LINGO2: variants seen among roughly 807,000 people sequenced by gnomAD.
LINGO2 encodes the protein leucine-rich repeat and immunoglobulin-like domain-containing nogo receptor-interacting protein 2.
LINGO2 carries 14 observed loss-of-function variants against 30.6 expected under a neutral mutation model. The observed-to-expected ratio is 0.46, with a 90% CI of 0.30 to 0.72. The LOEUF is 0.72. Among genes scored for constraint, LINGO2 ranks in the 30% least tolerant of loss-of-function variants. The probability of loss-of-function intolerance (pLI) is 0.07; values close to 1 mark genes in which losing one functional copy is unlikely to be tolerated. For missense variants in LINGO2, 729 were observed against 751.7 expected (o/e 0.97, Z 0.35); for synonymous variants, 317 against 288.5 (o/e 1.10, Z -1.00).
At chr9:28,018,665 T>C (rs1251302059) in intron 4 of LINGO2, among the ~76,000 whole-genome samples, 1 of 152,024 alleles carries the variant, frequency 6.6e-6, no homozygotes, top group Admixed American at 6.6e-5. Context: ...TCAGTCAGAA[T>C]GGCTATTACC....
the LINGO2 span, among the ~76,000 whole-genome samples, chr9:29,078,545 T>C: frequency 5.8e-3 from 885 of 152,098 alleles, 8 homozygotes; most frequent in African/African-American, 0.021. Flanking sequence ...ACATTGGTAT[T>C]AGTCATCTCC....
chr9:28,560,223 G>A (rs907587439), intron 1 of LINGO2, among the ~76,000 whole-genome samples: 1 of 152,084 alleles, frequency 6.6e-6, no homozygotes, highest in African/African-American at 2.4e-5. Context: ...ATCTGGCTAA[G>A]CATTATTCTG....
chr9:29,126,590 T>G, the LINGO2 span, among the ~76,000 whole-genome samples: 1 of 152,124 alleles, frequency 6.6e-6, no homozygotes, highest in Non-Finnish European at 1.5e-5. Context: ...CTATTTCTGT[T>G]GCAGGTATTT....
At chr9:29,081,543 A>G in the LINGO2 span, among the ~76,000 whole-genome samples, 2 of 152,112 alleles carry the variant, frequency 1.3e-5, no homozygotes, top group Non-Finnish European at 2.9e-5. Context: ...GCCCTCTCTC[A>G]CCACTCCTAT....
chr9:28,379,740 G>A (rs918351463), intron 2 of LINGO2, among the ~76,000 whole-genome samples: 1 of 152,130 alleles, frequency 6.6e-6, no homozygotes, highest in Non-Finnish European at 1.5e-5. Flanking sequence ...TCGAGATGGA[G>A]CATTGCTTTT....
the LINGO2 span, among the ~76,000 whole-genome samples, chr9:29,094,641 G>A: frequency 7.2e-6 from 1 of 138,736 alleles, no homozygotes; most frequent in African/African-American, 2.7e-5. Flanking sequence ...TGCTGTAAGT[G>A]TAAAATATAA....
intron 4 of LINGO2, among the ~76,000 whole-genome samples, chr9:28,225,382 A>G (rs12684614): frequency 0.22 from 33,906 of 152,018 alleles, 3,984 homozygotes; most frequent in African/African-American, 0.29. Context: ...TCAAATTACT[A>G]TATATGTTAA....
At chr9:27,953,893 C>T (rs1236208353) in intron 5 of LINGO2, among the ~76,000 whole-genome samples, 1 of 152,050 alleles carries the variant, frequency 6.6e-6, no homozygotes, top group Non-Finnish European at 1.5e-5. Context: ...AATATACATA[C>T]ATGTATGAAA....
At chr9:28,745,186 G>A in the LINGO2 span, among the ~76,000 whole-genome samples, 1 of 152,050 alleles carries the variant, frequency 6.6e-6, no homozygotes, top group African/African-American at 2.4e-5. Context: ...GGTAATGAAA[G>A]TATTATTTTT....
intron 1 of LINGO2, among the ~76,000 whole-genome samples, chr9:28,666,134 G>C (rs887752632): frequency 7.2e-5 from 11 of 151,816 alleles, no homozygotes; most frequent in African/African-American, 2.4e-4. Context: ...TCAGGTGATC[G>C]ACCCTCCTCG....
chr9:29,129,582 G>T, the LINGO2 span, among the ~76,000 whole-genome samples: 7,267 of 152,048 alleles, frequency 0.048, 553 homozygotes, highest in African/African-American at 0.16. Context: ...CTAAGGATAA[G>T]AATTCTAGTT....
chr9:28,865,715 C>G, the LINGO2 span, among the ~76,000 whole-genome samples: 2 of 152,086 alleles, frequency 1.3e-5, no homozygotes, highest in African/African-American at 4.8e-5. Context: ...ACCCGGGAGG[C>G]AGAGGTTGCA....
At chr9:28,669,912 C>T (rs1037378402) in intron 1 of LINGO2, among the ~76,000 whole-genome samples, 2 of 151,786 alleles carry the variant, frequency 1.3e-5, no homozygotes, top group Admixed American at 6.6e-5. Context: ...TGACATTAAG[C>T]AAACAGAAAC....
At chr9:28,357,054 A>G (rs1030946950) in intron 3 of LINGO2, among the ~76,000 whole-genome samples, 1 of 152,164 alleles carries the variant, frequency 6.6e-6, no homozygotes, top group African/African-American at 2.4e-5. Flanking sequence ...GCAATAATGC[A>G]TTCAAGAATA....
intron 1 of LINGO2, among the ~76,000 whole-genome samples, chr9:28,495,303 C>G (rs944993695): frequency 6.6e-6 from 1 of 152,172 alleles, no homozygotes; most frequent in Non-Finnish European, 1.5e-5. Flanking sequence ...TGCCTATGTC[C>G]TGAATGGTAT....
At chr9:28,757,007 T>A in the LINGO2 span, among the ~76,000 whole-genome samples, 1 of 152,006 alleles carries the variant, frequency 6.6e-6, no homozygotes, top group African/African-American at 2.4e-5. Flanking sequence ...ATTTACCAGT[T>A]TTAGTTATAA....
At chr9:28,198,239 G>T (rs1409667328) in intron 4 of LINGO2, among the ~76,000 whole-genome samples, 1 of 133,192 alleles carries the variant, frequency 7.5e-6, no homozygotes, top group South Asian at 2.4e-4. Flanking sequence ...ATTTCTCTGT[G>T]GACAAATATG....
chr9:28,791,061 T>G, the LINGO2 span, among the ~76,000 whole-genome samples: 1 of 152,210 alleles, frequency 6.6e-6, no homozygotes, highest in Non-Finnish European at 1.5e-5. Flanking sequence ...CTTATGCACA[T>G]TTTAAAGTCT....
intron 4 of LINGO2, among the ~76,000 whole-genome samples, chr9:28,097,255 A>G (rs200336285): frequency 6.6e-6 from 1 of 152,144 alleles, no homozygotes; most frequent in Non-Finnish European, 1.5e-5. Flanking sequence ...AACTAGTTCA[A>G]TCATCATGGA....
Sources: allele counts gnomAD v4.1 joint callset (sites outside exome capture counted in the v4.1 genomes callset), GRCh38; gene constraint gnomAD v4.1.1; transcripts MANE v1.5; gene names NCBI Gene and HGNC (gene_info 2026-07-23, HGNC 2026-07-21).